The following NBEA variants were observed in gnomAD, a reference collection of about 807,000 sequenced individuals.
NBEA encodes the protein lysosomal-trafficking regulator 2.
In NBEA, 44 loss-of-function variants were observed where a neutral mutation model predicts 343.4. That is an observed-to-expected ratio of 0.13 (90% CI 0.10 to 0.16). The LOEUF is 0.16. NBEA is among the 10% of genes least tolerant of loss of function. NBEA has a pLI of 1.00. For synonymous variants in NBEA, 1,175 were observed against 1,238.7 expected, an observed-to-expected ratio of 0.95 and a Z score of 1.08; for missense variants, 2,555 against 3,631.3, an observed-to-expected ratio of 0.70 and a Z score of 7.62.
chr13:35,588,887 C>T (rs2081402205), intron 46 of NBEA, among the ~76,000 whole-genome samples: 1 of 152,048 alleles, frequency 6.6e-6, no homozygotes, highest in Admixed American at 6.6e-5. Flanking sequence ...TTCATAATTT[C>T]CAAGGAAGTG....
At chr13:35,616,185 T>G (rs981200011) in intron 48 of NBEA, among the ~76,000 whole-genome samples, 1 of 152,210 alleles carries the variant, frequency 6.6e-6, no homozygotes, top group African/African-American at 2.4e-5. Flanking sequence ...CCATGCTTGG[T>G]GTCACAAGTT....
chr13:35,094,046 T>G (rs2065212920), intron 10 of NBEA, among the ~76,000 whole-genome samples: 1 of 151,904 alleles, frequency 6.6e-6, no homozygotes, highest in Non-Finnish European at 1.5e-5. Context: ...TTTGTTTTCC[T>G]CAGAAGACAA....
At chr13:35,485,744 T>C (rs987732581) in intron 41 of NBEA, among the ~76,000 whole-genome samples, 3 of 152,118 alleles carry the variant, frequency 2.0e-5, no homozygotes, top group African/African-American at 7.2e-5. Flanking sequence ...CTTCAGATAG[T>C]AACTTAACCT....
chr13:35,360,398 A>G (rs1183721512), intron 38 of NBEA, among the ~76,000 whole-genome samples: 1 of 151,978 alleles, frequency 6.6e-6, no homozygotes, highest in East Asian at 1.9e-4. Context: ...AAATAAACAA[A>G]CATCCTAAAG....
rs990341512 is a variant in NBEA at position 35,593,437 on chromosome 13, C to G, written c.7286C>G (p.Ser2429Cys). 2 of 1,608,198 alleles carry G rather than the reference C, an allele frequency of 1.2e-6. No homozygotes were observed. The change falls in exon 47 of 59, where the codon TCT becomes TGT. Residue 2429 changes from serine (S) to cysteine (C), a missense_variant. This residue lies in a region of NBEA where 156 missense variants were observed against 185.8 expected (regional missense o/e 0.84). Coordinates refer to ENST00000379939, the MANE Select transcript of NBEA (RefSeq NM_001385012.1). Reference sequence around the variant, plus strand: ...TGGAGAACTAGTCAGAGAGATACTTCTGATGTAAAGGTAGGCTCTTTTATT... The same window carrying G: ...TGGAGAACTAGTCAGAGAGATACTTGTGATGTAAAGGTAGGCTCTTTTATT... ...RSWRTSQRDT[S>C]DVKELIPEFY...
rs781056512 is a variant in NBEA, at chr13:35,645,870, T to C, written c.7619T>C (p.Ile2540Thr). The change falls in exon 50 of 59, where the codon ATT becomes ACT. Residue 2540 changes from isoleucine (I) to threonine (T), a missense_variant and splice_region_variant. This residue lies in a region of NBEA where 87 missense variants were observed against 75.0 expected (regional missense o/e 1.16). Transcript: ENST00000379939. ...DSITDPVLRE[I>T]PEAYFIRDPH... The stretch of plus-strand genomic sequence containing the variant: ...TCATTCTTTTTTTTCCCCATTAAGA[T>C]TCCAGAAGCTTATTTCATTAGAGAC... The C allele has an allele frequency of 3.8e-6, 6 of 1,563,840 alleles. No homozygotes were observed. The Admixed American group carries it at 9.1e-5, about 24-fold the overall frequency.
At chr13:35,088,430 C>G (rs1279499924) in intron 10 of NBEA, among the ~76,000 whole-genome samples, 1 of 151,818 alleles carries the variant, frequency 6.6e-6, no homozygotes, top group East Asian at 1.9e-4. Flanking sequence ...AATCCAATTT[C>G]CATGGTTAGC....
At chr13:35,005,615 T>C (rs946124586) in intron 1 of NBEA, among the ~76,000 whole-genome samples, 1 of 152,220 alleles carries the variant, frequency 6.6e-6, no homozygotes, top group African/African-American at 2.4e-5. Context: ...ATTAGAGCAT[T>C]TCTTCTCTAG....
intron 44 of NBEA, among the ~76,000 whole-genome samples, chr13:35,558,791 G>A (rs1243386820): frequency 2.0e-5 from 3 of 152,092 alleles, no homozygotes; most frequent in African/African-American, 7.2e-5. Context: ...GGCAAGATTT[G>A]CATATAAAAC....
intron 6 of NBEA, among the ~76,000 whole-genome samples, chr13:35,054,643 CTTTTT>C (rs1186551019): frequency 8.5e-6 from 1 of 117,450 alleles, no homozygotes; most frequent in East Asian, 2.4e-4. Flanking sequence ...GTTTTCTTTT[CTTTTT>C]TTTTTTTTTT....
At chr13:35,615,743 A>G (rs1247545449) in intron 48 of NBEA, among the ~76,000 whole-genome samples, 2 of 152,198 alleles carry the variant, frequency 1.3e-5, no homozygotes, top group African/African-American at 2.4e-5. Flanking sequence ...GTGGCAGGCA[A>G]GAGGAGCCGT....
intron 38 of NBEA, among the ~76,000 whole-genome samples, chr13:35,413,446 CA>C (rs764075935): frequency 2.6e-5 from 4 of 152,046 alleles, no homozygotes; most frequent in Admixed American, 1.3e-4. Context: ...ATTAAATAAT[CA>C]ATTAATTTTC....
chr13:35,189,889 G>C (rs979347376), intron 30 of NBEA, among the ~76,000 whole-genome samples: 9 of 152,054 alleles, frequency 5.9e-5, no homozygotes, highest in African/African-American at 2.2e-4. Context: ...AAAAACTCTA[G>C]ACCTTTATAA....
At position 35,632,361 on chromosome 13, in the gene NBEA, G is replaced by C. The variant is rs868499445; in HGVS notation, c.7617+4113G>C. Among the ~76,000 whole-genome samples the C allele has an allele frequency of 3.9e-5, 6 of 152,210 alleles. 1 individual carries two copies. In the Middle Eastern group the frequency reaches 0.02, roughly 518 times the overall value. On this transcript the variant is annotated intron_variant, in intron 49 of 58. Coordinates refer to ENST00000379939, the MANE Select transcript of NBEA (RefSeq NM_001385012.1). ...CAGAATCAGCATCACCTGGGAACTT[G>C]CTAGAACTTCAGCCTCTCAGCCTTC... is the stretch of plus-strand genomic sequence containing the variant.
intron 1 of NBEA, among the ~76,000 whole-genome samples, chr13:35,001,632 G>A (rs1253519845): frequency 6.6e-6 from 1 of 152,122 alleles, no homozygotes; most frequent in African/African-American, 2.4e-5. Flanking sequence ...TGATCTCATG[G>A]TAGTAGAGAG....
At chr13:35,236,488 C>T (rs999592821) in intron 34 of NBEA, among the ~76,000 whole-genome samples, 16 of 151,902 alleles carry the variant, frequency 1.1e-4, no homozygotes, top group African/African-American at 3.4e-4. Context: ...GCTCTGTCGC[C>T]CAGGCTGGAG....
intron 24 of NBEA, chr13:35,165,093 C>T (rs778846912): frequency 5.2e-5 from 28 of 534,074 alleles, no homozygotes; most frequent in African/African-American, 4.2e-4. Flanking sequence ...ATATTACCCA[C>T]GTTCTTGTTG....
intron 40 of NBEA, among the ~76,000 whole-genome samples, chr13:35,468,456 C>T (rs1050678046): frequency 3.9e-5 from 6 of 152,200 alleles, no homozygotes; most frequent in African/African-American, 1.4e-4. Flanking sequence ...TCAATTAGAG[C>T]TTTAGCATAC....
intron 32 of NBEA, 126 bp from the exon 33 acceptor site, chr13:35,210,927 T>C: frequency 1.1e-6 from 1 of 935,004 alleles, no homozygotes; most frequent in Non-Finnish European, 1.6e-6. Flanking sequence ...GGCCAAATGA[T>C]TAATTGTCAA....
Sources: gnomAD v4.1 joint callset for allele counts (sites outside exome capture counted in the v4.1 genomes callset) on GRCh38, gnomAD v4.1.1 for gene constraint, gnomAD v4.1.1 regional missense constraint, MANE v1.5 for transcripts, NCBI Gene and HGNC (gene_info 2026-07-23, HGNC 2026-07-21) for gene names.